CHRM3: variants seen among roughly 807,000 people sequenced by gnomAD.
The protein encoded by CHRM3 is cholinergic receptor muscarinic 3.
In CHRM3, 11 loss-of-function variants were observed where a neutral mutation model predicts 41.8. That is an observed-to-expected ratio of 0.26 (90% CI 0.17 to 0.44). The LOEUF is 0.44. CHRM3 is among the 20% of genes least tolerant of loss of function. CHRM3 has a pLI of 1.00. For missense variants in CHRM3, 571 were observed against 745.4 expected (o/e 0.77, Z 2.72); for synonymous variants, 297 against 301.4 (o/e 0.99, Z 0.15).
At chr1:239,868,455 T>G (rs918464549) in intron 6 of CHRM3, among the ~76,000 whole-genome samples, 1 of 152,184 alleles carries the variant, frequency 6.6e-6, no homozygotes, top group Non-Finnish European at 1.5e-5. Flanking sequence ...AGTCTCTAAG[T>G]GGCTCTCCTG....
At position 239,633,507 on chromosome 1, in the gene CHRM3, C is replaced by T. The variant is rs555808336; in HGVS notation, c.-250+1221C>T. Among the ~76,000 whole-genome samples, 5 of 152,200 alleles carry T rather than the reference C, an allele frequency of 3.3e-5. No individual in the cohort carries two copies. In the South Asian group the frequency reaches 1.0e-3, roughly 32 times the overall value. On this transcript the variant is annotated intron_variant, in intron 4 of 6. Transcript: ENST00000676153. ...AAACCTTATCACTACCCTCTTCGTT[C>T]CTAACAAAATCTTGCTGTTGTAAGG...
chr1:239,622,363 G>C (rs1476663538), intron 3 of CHRM3, among the ~76,000 whole-genome samples: 2 of 152,096 alleles, frequency 1.3e-5, no homozygotes, highest in African/African-American at 4.8e-5. Flanking sequence ...TAAAGCTATA[G>C]CTGCCATAGA....
chr1:239,507,657 A>C (rs1668665362), intron 2 of CHRM3, among the ~76,000 whole-genome samples: 1 of 152,186 alleles, frequency 6.6e-6, no homozygotes, highest in Non-Finnish European at 1.5e-5. Flanking sequence ...TTATATTTTC[A>C]TTGATATGTT....
intron 5 of CHRM3, among the ~76,000 whole-genome samples, chr1:239,739,184 C>G (rs1362329509): frequency 6.6e-6 from 1 of 152,100 alleles, no homozygotes; most frequent in East Asian, 1.9e-4. Context: ...CACAGCAGCA[C>G]CAGCATGCAT....
chr1:239,615,414 G>A (rs1667525314), intron 3 of CHRM3, among the ~76,000 whole-genome samples: 1 of 152,152 alleles, frequency 6.6e-6, no homozygotes, highest in Non-Finnish European at 1.5e-5. Context: ...CCAAGTGGGA[G>A]AAGTGACACT....
intron 1 of CHRM3, among the ~76,000 whole-genome samples, chr1:239,393,760 C>T (rs1659245871): frequency 6.6e-6 from 1 of 152,178 alleles, no homozygotes; most frequent in South Asian, 2.1e-4. Flanking sequence ...ATACTAGTGG[C>T]ACTCACCATT....
At chr1:239,838,759 C>T (rs1179848275) in intron 6 of CHRM3, among the ~76,000 whole-genome samples, 2 of 152,040 alleles carry the variant, frequency 1.3e-5, no homozygotes, top group African/African-American at 4.8e-5. Context: ...ACCAACAAGT[C>T]CTGTAAAATG....
At chr1:239,439,114 T>C (rs1663504344) in intron 1 of CHRM3, among the ~76,000 whole-genome samples, 1 of 152,196 alleles carries the variant, frequency 6.6e-6, no homozygotes, top group Non-Finnish European at 1.5e-5. Flanking sequence ...GATCAGTTAG[T>C]GGCAGAAACT....
At chr1:239,733,043 G>A (rs990903466) in intron 5 of CHRM3, among the ~76,000 whole-genome samples, 1 of 151,996 alleles carries the variant, frequency 6.6e-6, no homozygotes, top group African/African-American at 2.4e-5. Flanking sequence ...TAGATTCTTA[G>A]AAGTGCTATT....
intron 5 of CHRM3, among the ~76,000 whole-genome samples, chr1:239,696,824 A>G (rs1660239586): frequency 6.6e-6 from 1 of 152,226 alleles, no homozygotes; most frequent in Non-Finnish European, 1.5e-5. Flanking sequence ...GAGAAGCCTC[A>G]GGACAAAAAC....
chr1:239,456,592 T>C (rs1664953849), intron 1 of CHRM3, among the ~76,000 whole-genome samples: 1 of 152,172 alleles, frequency 6.6e-6, no homozygotes, highest in South Asian at 2.1e-4. Context: ...GGTCCTTAAG[T>C]GATGCGTGAC....
chr1:239,498,761 A>T (rs993110124), intron 2 of CHRM3, among the ~76,000 whole-genome samples: 1 of 152,082 alleles, frequency 6.6e-6, no homozygotes, highest in Non-Finnish European at 1.5e-5. Flanking sequence ...AAAATGTATC[A>T]TTTCTCCCTT....
intron 5 of CHRM3, among the ~76,000 whole-genome samples, chr1:239,800,137 A>C (rs778838692): frequency 4.6e-5 from 7 of 152,132 alleles, no homozygotes; most frequent in Middle Eastern, 3.2e-3. Context: ...GTGTGTGGGG[A>C]AGGGGTTATA....
At chr1:239,759,449 C>A (rs559672320) in intron 5 of CHRM3, among the ~76,000 whole-genome samples, 1 of 151,984 alleles carries the variant, frequency 6.6e-6, no homozygotes, top group South Asian at 2.1e-4. Flanking sequence ...GAAATCACAG[C>A]CTTTTTGGCC....
chr1:239,541,553 C>T (rs1658776892), intron 2 of CHRM3, among the ~76,000 whole-genome samples: 1 of 151,900 alleles, frequency 6.6e-6, no homozygotes, highest in Non-Finnish European at 1.5e-5. Context: ...ACTCCGTCAC[C>T]CAGGCTGGAG....
In CHRM3 at chr1:239,914,101, G is replaced by T. The variant is rs1216237378; in HGVS notation, c.*4877G>T. On this transcript the variant is annotated 3_prime_UTR_variant, in exon 7 of 7. Coordinates refer to ENST00000676153, the MANE Select transcript of CHRM3 (RefSeq NM_001375978.1). Reference sequence around the variant, plus strand: ...ACTTCCCGCACCCAAATTATAATCCGGCAACCCTAGCTTCAGCTAAAAAGA... The same window carrying T: ...ACTTCCCGCACCCAAATTATAATCCTGCAACCCTAGCTTCAGCTAAAAAGA... 6.0e-6 allele frequency: 1 copy of T among 166,954 alleles called. No individual in the cohort carries two copies. Among genetic ancestry groups the T allele is most frequent in the African/African-American group, 2.4e-5 (1 of 41,404 alleles). 10.3% of individuals were successfully genotyped at this position (166,954 alleles called of 1,614,324 possible). A position where few individuals can be genotyped will look rare whatever the true frequency, so the allele number is the denominator to read the frequency against.
intron 6 of CHRM3, among the ~76,000 whole-genome samples, chr1:239,901,674 A>T (rs1416086608): frequency 6.6e-6 from 1 of 152,168 alleles, no homozygotes; most frequent in Non-Finnish European, 1.5e-5. Context: ...TTCTAAGTTA[A>T]TATATATCTA....
At chr1:239,402,450 C>T (rs141812205) in intron 1 of CHRM3, among the ~76,000 whole-genome samples, 1 of 152,326 alleles carries the variant, frequency 6.6e-6, no homozygotes, top group East Asian at 1.9e-4. Flanking sequence ...TGCTTTCAGT[C>T]TCTTTTGGAT....
chr1:239,907,712 C>G lies in CHRM3; in HGVS notation c.261C>G (p.Ile87Met). The change falls in exon 7 of 7, where the codon ATC becomes ATG. Residue 87 changes from isoleucine to methionine, a missense_variant. Around this residue, in one of 5 missense-constraint regions of CHRM3, gnomAD observed 153 missense variants for 296.3 expected, o/e 0.52. Transcript: ENST00000676153. This position sits in a 1 kb window ranked among gnomAD's most constrained non-coding sequence, Gnocchi z 5.4. ...CCTTGGTGACCATCATCGGCAACAT[C>G]CTGGTAATTGTGTCATTTAAGGTCA... ...ILALVTIIGN[I>M]LVIVSFKVNK... The G allele has an allele frequency of 2.5e-6, 4 of 1,614,198 alleles. No individual in the cohort carries two copies. Among genetic ancestry groups the G allele is most frequent in the Non-Finnish European group, 3.4e-6 (4 of 1,180,038 alleles).
Sources: gnomAD v4.1 joint callset for allele counts (sites outside exome capture counted in the v4.1 genomes callset) on GRCh38, gnomAD v4.1.1 for gene constraint, gnomAD v4.1.1 regional missense constraint, Gnocchi (gnomAD v3.1) non-coding constraint, MANE v1.5 for transcripts, NCBI Gene and HGNC (gene_info 2026-07-23, HGNC 2026-07-21) for gene names.